Variants in PCDH9 observed in about 807,000 individuals in gnomAD.
The protein encoded by PCDH9 is protocadherin 9, also known as protocadherin-9.
In PCDH9, 24 loss-of-function variants were observed where a neutral mutation model predicts 70.6. The observed-to-expected ratio is 0.34, with a 90% CI of 0.25 to 0.48. PCDH9 has a LOEUF of 0.48. Among genes scored for constraint, PCDH9 ranks in the 20% least tolerant of loss-of-function variants. The probability of loss-of-function intolerance (pLI) is 0.99; values close to 1 mark genes in which losing one functional copy is unlikely to be tolerated. For missense variants in PCDH9, 1,281 were observed against 1,503.6 expected (o/e 0.85, Z 2.45); for synonymous variants, 562 against 558.5 (o/e 1.01, Z -0.09).
chr13:67,108,643 G>A (rs1169666383), intron 2 of PCDH9, among the ~76,000 whole-genome samples: 1 of 152,068 alleles, frequency 6.6e-6, no homozygotes, highest in African/African-American at 2.4e-5. Context: ...TAATCCACAA[G>A]AATATAGCAG....
intron 2 of PCDH9, among the ~76,000 whole-genome samples, chr13:67,066,959 C>T (rs779372474): frequency 3.3e-5 from 5 of 152,254 alleles, no homozygotes; most frequent in Middle Eastern, 3.4e-3. Context: ...ATGAAATGCA[C>T]GGATCTATAT....
chr13:66,944,639 C>A (rs1035207614), intron 2 of PCDH9, among the ~76,000 whole-genome samples: 2 of 152,152 alleles, frequency 1.3e-5, no homozygotes, highest in Non-Finnish European at 2.9e-5. Context: ...GGAAAACACA[C>A]TTTATGCTAT....
intron 4 of PCDH9, among the ~76,000 whole-genome samples, chr13:66,567,237 G>C (rs2076666163): frequency 6.6e-6 from 1 of 152,094 alleles, no homozygotes; most frequent in African/African-American, 2.4e-5. Context: ...CTACCTATCT[G>C]CTTTTTTCCC....
intron 4 of PCDH9, among the ~76,000 whole-genome samples, chr13:66,414,893 C>A (rs1019602773): frequency 6.6e-6 from 1 of 151,978 alleles, no homozygotes; most frequent in Admixed American, 6.6e-5. Flanking sequence ...ATCTGTTTTC[C>A]TGTATAAATA....
chr13:67,012,199 A>G lies in PCDH9; in HGVS notation c.3037-108594T>C, dbSNP rs373133617. On this transcript the variant is annotated intron_variant, in intron 2 of 4. Coordinates refer to ENST00000377865, the MANE Select transcript of PCDH9 (RefSeq NM_203487.3). ...AGAATCGATTTTAAAAGATTTTTAA[A>G]CAGTGATTCTATTGTTACTTGTTGA... Among the ~76,000 whole-genome samples the G allele has an allele frequency of 3.3e-4, 50 of 151,980 alleles. No individual in the cohort carries two copies. In the East Asian group the frequency reaches 8.3e-3, roughly 25 times the overall value.
intron 4 of PCDH9, among the ~76,000 whole-genome samples, chr13:66,461,167 C>T (rs1958417559): frequency 6.6e-6 from 1 of 151,634 alleles, no homozygotes; most frequent in Non-Finnish European, 1.5e-5. Context: ...CATATTAAAC[C>T]TTCTTAAAAG....
intron 4 of PCDH9, among the ~76,000 whole-genome samples, chr13:66,405,815 T>A (rs375767913): frequency 6.6e-6 from 1 of 152,170 alleles, no homozygotes; most frequent in Admixed American, 6.5e-5. Flanking sequence ...TCTTGGCCTC[T>A]CCAGGATGGA....
intron 4 of PCDH9, among the ~76,000 whole-genome samples, chr13:66,482,476 G>C (rs963563737): frequency 6.6e-6 from 1 of 152,150 alleles, no homozygotes; most frequent in Non-Finnish European, 1.5e-5. Flanking sequence ...ACCACCCTTA[G>C]CTGCAGGAAA....
intron 4 of PCDH9, among the ~76,000 whole-genome samples, chr13:66,618,305 C>T (rs921055905): frequency 2.0e-5 from 3 of 152,166 alleles, no homozygotes; most frequent in African/African-American, 7.2e-5. Flanking sequence ...GGCAGCCTAA[C>T]TTTAGTGTTA....
At chr13:66,848,628 T>C (rs1188261332) in intron 3 of PCDH9, among the ~76,000 whole-genome samples, 2 of 152,134 alleles carry the variant, frequency 1.3e-5, no homozygotes, top group African/African-American at 4.8e-5. Context: ...TTCTAGAATG[T>C]ATAAGAGGAG....
intron 3 of PCDH9, among the ~76,000 whole-genome samples, chr13:66,887,065 A>T (rs913296494): frequency 2.0e-5 from 3 of 148,434 alleles, no homozygotes; most frequent in African/African-American, 7.5e-5. Flanking sequence ...ACACACACAC[A>T]CACACACACA....
intron 3 of PCDH9, among the ~76,000 whole-genome samples, chr13:66,850,679 G>A (rs1421671732): frequency 6.6e-6 from 1 of 152,170 alleles, no homozygotes; most frequent in Non-Finnish European, 1.5e-5. Context: ...TTCTTCCCTT[G>A]ATGTGAAAAT....
At chr13:67,092,350 A>G (rs989992371) in intron 2 of PCDH9, among the ~76,000 whole-genome samples, 1 of 152,226 alleles carries the variant, frequency 6.6e-6, no homozygotes, top group African/African-American at 2.4e-5. Flanking sequence ...ATAAATTAAT[A>G]GCACTCAATA....
At chr13:66,788,194 C>T (rs928765757) in intron 3 of PCDH9, among the ~76,000 whole-genome samples, 2 of 152,156 alleles carry the variant, frequency 1.3e-5, no homozygotes, top group Non-Finnish European at 2.9e-5. Context: ...TACATCCTCA[C>T]ATGGTGGTAG....
chr13:67,149,721 C>T (rs1257657761), intron 2 of PCDH9, among the ~76,000 whole-genome samples: 2 of 151,570 alleles, frequency 1.3e-5, no homozygotes, highest in Non-Finnish European at 1.5e-5. Context: ...AAAAAAAAAC[C>T]CTAAGATTAT....
At chr13:67,049,699 G>C (rs2085287442) in intron 2 of PCDH9, among the ~76,000 whole-genome samples, 1 of 152,136 alleles carries the variant, frequency 6.6e-6, no homozygotes. Context: ...AAACAAAGGA[G>C]ATATTTACCT....
At chr13:66,514,699 CATTCCGG>C (rs1959650665) in intron 4 of PCDH9, among the ~76,000 whole-genome samples, 1 of 152,034 alleles carries the variant, frequency 6.6e-6, no homozygotes, top group South Asian at 2.1e-4. Context: ...ATTTAGTAAG[CATTCCGG>C]ATACTTCTAT....
intron 4 of PCDH9, among the ~76,000 whole-genome samples, chr13:66,463,061 T>C (rs2138458668): frequency 6.6e-6 from 1 of 151,952 alleles, no homozygotes; most frequent in South Asian, 2.1e-4. Context: ...TCTCTCTCTC[T>C]TCATATATAT....
At chr13:66,719,114 G>A (rs2078908560) in intron 3 of PCDH9, among the ~76,000 whole-genome samples, 1 of 152,204 alleles carries the variant, frequency 6.6e-6, no homozygotes, top group African/African-American at 2.4e-5. Context: ...TCCCGAAGAT[G>A]TAGTCGAAGA....
Sources: gnomAD v4.1 joint callset for allele counts (sites outside exome capture counted in the v4.1 genomes callset) on GRCh38, gnomAD v4.1.1 for gene constraint, MANE v1.5 for transcripts, NCBI Gene and HGNC (gene_info 2026-07-23, HGNC 2026-07-21) for gene names.